The following ALK variants were observed in gnomAD, a reference collection of about 807,000 sequenced individuals.
ALK encodes ALK tyrosine kinase receptor.
Under a neutral mutation model 163.1 loss-of-function variants are expected in ALK, and 74 were observed. That is an observed-to-expected ratio of 0.45 (90% CI 0.38 to 0.55). The LOEUF is 0.55. ALK is among the 20% of genes least tolerant of loss of function. ALK has a pLI of 0.00. For missense variants in ALK, 2,063 were observed against 2,105.3 expected (o/e 0.98, Z 0.39); for synonymous variants, 960 against 843.2 (o/e 1.14, Z -2.40).
intron 1 of ALK, among the ~76,000 whole-genome samples, chr2:29,875,766 T>A (rs1666689383): frequency 7.0e-6 from 1 of 141,976 alleles, no homozygotes; most frequent in Non-Finnish European, 1.5e-5. Flanking sequence ...ATGAACTCAT[T>A]TTTTTATGGC....
At chr2:29,710,686 A>G (rs1015346706) in intron 2 of ALK, among the ~76,000 whole-genome samples, 7 of 152,020 alleles carry the variant, frequency 4.6e-5, no homozygotes, top group African/African-American at 1.7e-4. Context: ...TAATTTTTGT[A>G]TTTTTAGTAG....
At chr2:29,495,578 G>C (rs1228879194) in intron 4 of ALK, among the ~76,000 whole-genome samples, 1 of 152,112 alleles carries the variant, frequency 6.6e-6, no homozygotes, top group Non-Finnish European at 1.5e-5. Context: ...TCCCTGATTA[G>C]ACTCACCTCA....
chr2:29,512,737 A>C (rs1381882654), intron 4 of ALK, among the ~76,000 whole-genome samples: 1 of 149,502 alleles, frequency 6.7e-6, no homozygotes, highest in Non-Finnish European at 1.5e-5. Flanking sequence ...ATGATTGTAT[A>C]TCTAGAAAAC....
intron 9 of ALK, among the ~76,000 whole-genome samples, chr2:29,281,733 G>A (rs928074099): frequency 1.2e-4 from 19 of 152,186 alleles, no homozygotes; most frequent in African/African-American, 4.6e-4. Flanking sequence ...GGATCTGGGA[G>A]GTGGCCATCT....
At chr2:29,726,413 A>C (rs1187738166) in intron 1 of ALK, among the ~76,000 whole-genome samples, 3 of 152,218 alleles carry the variant, frequency 2.0e-5, no homozygotes, top group African/African-American at 7.2e-5. Flanking sequence ...ATATACTGAA[A>C]GCGATACAAA....
At chr2:29,471,347 C>G (rs1180381506) in intron 4 of ALK, among the ~76,000 whole-genome samples, 4 of 152,156 alleles carry the variant, frequency 2.6e-5, no homozygotes, top group African/African-American at 7.2e-5. Flanking sequence ...GGAAAAATTA[C>G]AGGTCAATCT....
chr2:29,823,153 C>CT lies in ALK; in HGVS notation c.667+96839dup, dbSNP rs1030750257. The stretch of plus-strand genomic sequence containing the variant: ...AAAGATGAGTTCCCTTGCACAAATT[C>CT]TTTTTTTGCCTGCTGCCACCCATGT... On this transcript the variant is annotated intron_variant, in intron 1 of 28. Transcript: ENST00000389048. Among the ~76,000 whole-genome samples the CT allele has an allele frequency of 3.3e-5, 5 of 152,242 alleles. No individual in the cohort carries two copies. The South Asian group carries it at 6.2e-4, about 19-fold the overall frequency.
intron 4 of ALK, among the ~76,000 whole-genome samples, chr2:29,416,950 G>A (rs1357757212): frequency 7.2e-6 from 1 of 139,198 alleles, no homozygotes; most frequent in Non-Finnish European, 1.6e-5. Context: ...AAAAAAATGA[G>A]TGAACTTTTG....
intron 4 of ALK, among the ~76,000 whole-genome samples, chr2:29,450,946 C>T (rs937350410): frequency 7.9e-5 from 12 of 152,156 alleles, no homozygotes; most frequent in Non-Finnish European, 1.6e-4. Context: ...CAGGACTCCA[C>T]ATTTTAATAA....
chr2:29,899,196 C>T (rs548438515), intron 1 of ALK, among the ~76,000 whole-genome samples: 91 of 152,306 alleles, frequency 6.0e-4, no homozygotes, highest in African/African-American at 2.2e-3. Context: ...GATGTGCACT[C>T]GAGCTTGAGA....
At chr2:29,744,966 T>A (rs1412798198) in intron 1 of ALK, among the ~76,000 whole-genome samples, 6 of 152,146 alleles carry the variant, frequency 3.9e-5, no homozygotes, top group Non-Finnish European at 8.8e-5. Flanking sequence ...TATTTTTGAA[T>A]GGAAGGGGTG....
intron 5 of ALK, among the ~76,000 whole-genome samples, chr2:29,338,411 G>C (rs1264002798): frequency 2.0e-5 from 3 of 152,128 alleles, no homozygotes; most frequent in African/African-American, 7.2e-5. Context: ...CCAAATCCCA[G>C]CTCTGCCATG....
At chr2:29,225,961 C>T (rs1406832353) in intron 18 of ALK, among the ~76,000 whole-genome samples, 2 of 152,094 alleles carry the variant, frequency 1.3e-5, no homozygotes, top group Non-Finnish European at 2.9e-5. Flanking sequence ...TTCCTTGTGG[C>T]CCTGAGGCAC....
chr2:29,594,540 T>G (rs1475908868), intron 3 of ALK, among the ~76,000 whole-genome samples: 4 of 151,352 alleles, frequency 2.6e-5, no homozygotes, highest in Non-Finnish European at 5.9e-5. Flanking sequence ...GCGATTCTCC[T>G]GCCTCCGCCT....
chr2:29,719,693 C>A (rs1679370789), intron 1 of ALK, among the ~76,000 whole-genome samples: 1 of 152,104 alleles, frequency 6.6e-6, no homozygotes, highest in African/African-American at 2.4e-5. Context: ...AGCCACACAG[C>A]CAGCAGGAGA....
intron 8 of ALK, among the ~76,000 whole-genome samples, chr2:29,300,429 G>A (rs1232558590): frequency 1.3e-5 from 2 of 151,818 alleles, no homozygotes; most frequent in Non-Finnish European, 2.9e-5. Flanking sequence ...GGTACCTGTA[G>A]TCCCAGCTAC....
chr2:29,850,759 G>A (rs555762850), intron 1 of ALK, among the ~76,000 whole-genome samples: 1 of 152,200 alleles, frequency 6.6e-6, no homozygotes, highest in Non-Finnish European at 1.5e-5. Context: ...CAAGGGAACT[G>A]TTCCCCGGGA....
chr2:29,503,828 T>TGTTTATCGA (rs1305566382), intron 4 of ALK, among the ~76,000 whole-genome samples: 195 of 152,152 alleles, frequency 1.3e-3, no homozygotes, highest in African/African-American at 4.4e-3. Flanking sequence ...TTCTACTAAG[T>TGTTTATCGA]GCTATGAATG....
intron 13 of ALK, among the ~76,000 whole-genome samples, chr2:29,235,655 G>C (rs1469163860): frequency 1.3e-5 from 2 of 152,002 alleles, no homozygotes; most frequent in African/African-American, 4.8e-5. Flanking sequence ...TGAGGGATGT[G>C]AGCTGTCAGC....
Sources: allele counts gnomAD v4.1 joint callset (sites outside exome capture counted in the v4.1 genomes callset), GRCh38; gene constraint gnomAD v4.1.1; transcripts MANE v1.5; gene names NCBI Gene and HGNC (gene_info 2026-07-23, HGNC 2026-07-21).